NKIRAS1: variants seen among roughly 807,000 people sequenced by gnomAD.
NKIRAS1 encodes NF-kappa-B inhibitor-interacting Ras-like protein 1.
NKIRAS1 carries 16 observed loss-of-function variants against 19.8 expected under a neutral mutation model. That is an observed-to-expected ratio of 0.81 (90% confidence interval 0.55 to 1.23). The LOEUF (loss-of-function observed/expected upper bound fraction) is 1.23. Among genes scored for constraint, NKIRAS1 ranks in the 50% most tolerant of loss-of-function variants. The pLI is 0.00. For missense variants in NKIRAS1, 184 were observed against 220.0 expected, an observed-to-expected ratio of 0.84 and a Z score of 1.04; for synonymous variants, 88 against 79.0, an observed-to-expected ratio of 1.11 and a Z score of -0.61.
At chr3:23,918,105 C>A (rs1704773373), upstream of NKIRAS1, 2 of 1,525,138 alleles carry the variant, frequency 1.3e-6, no homozygotes, top group African/African-American at 2.8e-5. Context: ...GTTAGGAAGA[C>A]ACTGCTGCCT....
In NKIRAS1 at chr3:23,910,792, T is replaced by C. The variant is rs764740071; in HGVS notation, c.94+19A>G. The C allele has an allele frequency of 3.9e-5, 61 of 1,582,478 alleles. No individual in the cohort carries two copies. The highest frequency in any genetic ancestry group is 5.1e-5 in the Non-Finnish European group (59 of 1,151,658). On this transcript the variant is annotated intron_variant, in intron 3 of 4. Transcript: ENST00000425478. ...TAGCTCCCAGAACCTAGAGACAAAC[T>C]AGAGAAAAACAATCTTACCAATAGT...
intron 1 of NKIRAS1, among the ~76,000 whole-genome samples, chr3:23,944,829 T>A (rs1433270868): frequency 3.5e-4 from 1 of 2,840 alleles, no homozygotes; most frequent in African/African-American, 1.2e-3. Flanking sequence ...GTCGGTCGGG[T>A]GGGAGCGGGG....
At chr3:23,894,635 G>A (rs73825179) in intron 4 of NKIRAS1, among the ~76,000 whole-genome samples, 94 of 94,444 alleles carry the variant, frequency 1.0e-3, no homozygotes, top group African/African-American at 4.0e-3. Context: ...CCACCTCTGC[G>A]TCCTCCACCT....
intron 4 of NKIRAS1, among the ~76,000 whole-genome samples, chr3:23,900,012 A>G (rs1702353189): frequency 6.6e-6 from 1 of 151,966 alleles, no homozygotes; most frequent in Non-Finnish European, 1.5e-5. Flanking sequence ...AAATACAAAA[A>G]ATTACTGGGC....
intron 3 of NKIRAS1, among the ~76,000 whole-genome samples, chr3:23,909,857 T>G (rs970071452): frequency 5.1e-5 from 6 of 117,202 alleles, no homozygotes; most frequent in Non-Finnish European, 9.8e-5. Context: ...TGTTTTTGTT[T>G]TTTTTTGTTT....
In NKIRAS1 at chr3:23,890,484, A is replaced by G. The variant is rs1213593191; in HGVS notation, c.*2611T>C. ...TAAAATGTTCTTTTCCTTTCTCCAA[A>G]GTAATCTACATTCTTTTCTTCCAGC... On this transcript the variant is annotated 3_prime_UTR_variant, in exon 5 of 5. Coordinates refer to ENST00000425478, the MANE Select transcript of NKIRAS1 (RefSeq NM_020345.4). The G allele has an allele frequency of 3.7e-6, 6 of 1,600,976 alleles. No individual in the cohort carries two copies. The highest frequency in any genetic ancestry group is 4.3e-6 in the Non-Finnish European group (5 of 1,174,488).
At chr3:23,908,642 A>C (rs1559505686) in intron 3 of NKIRAS1, among the ~76,000 whole-genome samples, 2 of 152,174 alleles carry the variant, frequency 1.3e-5, no homozygotes, top group Non-Finnish European at 2.9e-5. Flanking sequence ...AGTGTCATTT[A>C]GAAAAAATAA....
chr3:23,893,368 T>C (rs1273356955), intron 4 of NKIRAS1, 31 bp from the exon 5 acceptor site: 1 of 1,585,124 alleles, frequency 6.3e-7, no homozygotes, highest in East Asian at 2.3e-5. Flanking sequence ...AAGATCATAC[T>C]AGTACTTTGC....
At chr3:23,921,548 A>G, upstream of NKIRAS1, 1 of 673,850 alleles carries the variant, frequency 1.5e-6, no homozygotes, top group African/African-American at 1.9e-5. Context: ...CATGTAATTC[A>G]CACAGCAACA....
chr3:23,943,608 T>C (rs1705551193), intron 1 of NKIRAS1, among the ~76,000 whole-genome samples: 1 of 152,270 alleles, frequency 6.6e-6, no homozygotes, highest in Non-Finnish European at 1.5e-5. Flanking sequence ...TCCTCTTTTA[T>C]GATTTCTTTT....
At chr3:23,903,775 G>T (rs919345814) in intron 3 of NKIRAS1, among the ~76,000 whole-genome samples, 5 of 152,104 alleles carry the variant, frequency 3.3e-5, no homozygotes, top group Admixed American at 3.3e-4. Flanking sequence ...CAAGGACAGA[G>T]AACACAGAGG....
chr3:23,945,517 C>CGGT (rs2125275369), intron 1 of NKIRAS1: 2 of 1,067,858 alleles, frequency 1.9e-6, no homozygotes, highest in Non-Finnish European at 2.3e-6. Flanking sequence ...GCTGAGGCGG[C>CGGT]GGCGGCGGCG....
Position 23,927,501 on chromosome 3 carries a change from C to A in NKIRAS1, c.-139-16051G>T, listed in dbSNP as rs1277230859. ...ACTTCAGCTCACTCTGAAATCCTGG[C>A]AAACGGCAACTCACTCCTCCAAAAC... On this transcript the variant is annotated intron_variant, in intron 1 of 4. Coordinates refer to the NKIRAS1 transcript ENST00000421515. This position sits in a 1 kb window ranked among gnomAD's most constrained non-coding sequence, Gnocchi z 4.0. Among the ~76,000 whole-genome samples the A allele has an allele frequency of 6.6e-6, 1 of 152,210 alleles. No homozygotes were observed. Among genetic ancestry groups the A allele is most frequent in the Non-Finnish European group, 1.5e-5 (1 of 68,046 alleles).
At chr3:23,935,699 A>G (rs1046908253) in intron 1 of NKIRAS1, among the ~76,000 whole-genome samples, 3 of 152,046 alleles carry the variant, frequency 2.0e-5, no homozygotes, top group Non-Finnish European at 4.4e-5. Context: ...AAGTGCTGGG[A>G]TTACAGGTGT....
At position 23,890,045 on chromosome 3, in the gene NKIRAS1, G is replaced by C. The variant is rs1701338065; in HGVS notation, c.*3050C>G. Among the ~76,000 whole-genome samples, 1 of 152,130 alleles carries C rather than the reference G, an allele frequency of 6.6e-6. No individual in the cohort carries two copies. Among genetic ancestry groups the C allele is most frequent in the Non-Finnish European group, 1.5e-5 (1 of 68,036 alleles). On this transcript the variant is annotated 3_prime_UTR_variant, in exon 5 of 5. Transcript: ENST00000425478. ...AGGTCCAGGTTTTGCCTGGCAACCTGGCTCTTTAACCAGCGTAAAGGTTAA... is the reference window on the plus strand; with the variant it reads ...AGGTCCAGGTTTTGCCTGGCAACCTCGCTCTTTAACCAGCGTAAAGGTTAA...
chr3:23,910,791 C>T lies in NKIRAS1; in HGVS notation c.94+20G>A, dbSNP rs1276256426. 8.2e-6 allele frequency: 13 copies of T among 1,581,506 alleles called. No individual in the cohort carries two copies. In the Middle Eastern group the frequency reaches 5.0e-4, roughly 60 times the overall value. ...ATAGCTCCCAGAACCTAGAGACAAA[C>T]TAGAGAAAAACAATCTTACCAATAG... On this transcript the variant is annotated intron_variant, in intron 3 of 4. Coordinates refer to ENST00000425478, the MANE Select transcript of NKIRAS1 (RefSeq NM_020345.4).
chr3:23,900,992 C>T lies in NKIRAS1; in HGVS notation c.152G>A (p.Arg51Gln). Reference protein sequence around the residue: ...DVYMASVETDRGVKEQLHLYD... With the variant: ...DVYMASVETDQGVKEQLHLYD... ...AAGATGTAACTGTTCTTTTACTCCT[C>T]GGTCTGTTTCTACTGAAGCCATGTA... Residue 51 changes from arginine (R) to glutamine (Q), a missense_variant, in exon 4 of 5, where the codon CGA becomes CAA. Arg to Gln is a conservative substitution (Grantham distance 43). Coordinates refer to ENST00000425478, the MANE Select transcript of NKIRAS1 (RefSeq NM_020345.4). 1.2e-6 allele frequency: 2 copies of T among 1,614,052 alleles called. No homozygotes were observed. The highest frequency in any genetic ancestry group is 1.7e-6 in the Non-Finnish European group (2 of 1,179,946).
intron 1 of NKIRAS1, among the ~76,000 whole-genome samples, chr3:23,942,725 A>C (rs1559517921): frequency 1.3e-5 from 2 of 151,980 alleles, no homozygotes; most frequent in Non-Finnish European, 1.5e-5. Flanking sequence ...CCGGCCTCAA[A>C]GCCACAGTTT....
chr3:23,924,589 G>A (rs1375103374), intron 1 of NKIRAS1, among the ~76,000 whole-genome samples: 2 of 151,986 alleles, frequency 1.3e-5, no homozygotes, highest in South Asian at 2.1e-4. Context: ...TAGTAGAGGC[G>A]GGTTTGCACC....
Sources: gnomAD v4.1 joint callset for allele counts (sites outside exome capture counted in the v4.1 genomes callset) on GRCh38, gnomAD v4.1.1 for gene constraint, Gnocchi (gnomAD v3.1) non-coding constraint, MANE v1.5 for transcripts, NCBI Gene and HGNC (gene_info 2026-07-23, HGNC 2026-07-21) for gene names.